The following MBTD1 variants were observed in gnomAD, a reference collection of about 807,000 sequenced individuals.
MBTD1 encodes the protein mbt domain containing 1, also known as MBT domain-containing protein 1.
A neutral mutation model predicts 87.8 loss-of-function variants in MBTD1; 24 were observed. The ratio of observed to expected loss-of-function variants is 0.27; its 90% CI spans 0.20 to 0.38. The LOEUF (loss-of-function observed/expected upper bound fraction) is 0.38. MBTD1 is among the 10% of genes least tolerant of loss of function. MBTD1 has a pLI of 1.00. For synonymous variants in MBTD1, 237 were observed against 248.6 expected (o/e 0.95, Z 0.44); for missense variants, 436 against 760.2 (o/e 0.57, Z 5.02).
intron 6 of MBTD1, among the ~76,000 whole-genome samples, chr17:51,216,943 G>C (rs1166752433): frequency 1.3e-5 from 2 of 152,180 alleles, no homozygotes; most frequent in East Asian, 3.9e-4. Flanking sequence ...GCTCATACCT[G>C]TAATCCCAGC....
intron 2 of MBTD1, among the ~76,000 whole-genome samples, chr17:51,257,064 G>A (rs1402600417): frequency 3.3e-5 from 5 of 152,114 alleles, no homozygotes; most frequent in Non-Finnish European, 7.3e-5. Flanking sequence ...CTTAAGCCAA[G>A]GTTTATTAAA....
chr17:51,197,065 T>TGGAGG (rs1248774190), intron 12 of MBTD1, among the ~76,000 whole-genome samples: 1 of 1,652 alleles, frequency 6.1e-4, no homozygotes, highest in African/African-American at 2.8e-3. Flanking sequence ...TATATATATA[T>TGGAGG]ATATATATAT....
intron 6 of MBTD1, among the ~76,000 whole-genome samples, chr17:51,215,534 AAG>A (rs1006615276): frequency 1.3e-5 from 2 of 152,190 alleles, no homozygotes; most frequent in African/African-American, 4.8e-5. Context: ...TCTGAGATGA[AAG>A]AGTTACTGTA....
intron 2 of MBTD1, among the ~76,000 whole-genome samples, chr17:51,254,564 C>G (rs1044426443): frequency 6.6e-6 from 1 of 152,108 alleles, no homozygotes; most frequent in African/African-American, 2.4e-5. Flanking sequence ...CAACAGTGAA[C>G]AAAAGGAAGT....
intron 15 of MBTD1, chr17:51,192,507 T>A (rs1052588552): frequency 4.7e-6 from 3 of 640,318 alleles, no homozygotes; most frequent in African/African-American, 3.7e-5. Flanking sequence ...ACTTTTAGTA[T>A]GTAATTTTTA....
In MBTD1 at chr17:51,178,165, C is replaced by T. The variant is rs1353220889; in HGVS notation, c.*2411G>A. The T allele has an allele frequency of 2.0e-5, 3 of 152,104 alleles. No individual in the cohort carries two copies. Among genetic ancestry groups the T allele is most frequent in the Non-Finnish European group, 4.4e-5 (3 of 68,038 alleles). The allele number at this position is 152,104 out of a possible 1,614,324, so 9.4% of individuals were successfully genotyped here. On this transcript the variant is annotated 3_prime_UTR_variant, in exon 17 of 17. Transcript: ENST00000586178. ...TTTTGAACCGTAAAAGAGAATGGGG[C>T]GATTGAGTTGTACAACTGGAGTTAT... is the stretch of plus-strand genomic sequence containing the variant.
rs2050222173 is a variant in MBTD1, at chr17:51,179,512, A to ATTTTTATT, written c.*1063_*1064insAATAAAAA. The ATTTTTATT allele has an allele frequency of 1.0e-5, 1 of 97,038 alleles. No individual in the cohort carries two copies. The highest frequency in any genetic ancestry group is 3.9e-5 in the African/African-American group (1 of 25,370). 6.0% of individuals were successfully genotyped at this position (97,038 alleles called of 1,614,324 possible). A position where few individuals can be genotyped will look rare whatever the true frequency, so the allele number is the denominator to read the frequency against. ...TATATATATATATATATATATATAT[A>ATTTTTATT]TATATATATATATATATATATATAT... On this transcript the variant is annotated 3_prime_UTR_variant, in exon 17 of 17. Transcript: ENST00000586178.
At position 51,179,500 on chromosome 17, in the gene MBTD1, A is replaced by ATATATATATATATATT; in HGVS notation, c.*1075_*1076insAATATATATATATATA. The ATATATATATATATATT allele has an allele frequency of 1.7e-5, 1 of 58,526 alleles. No homozygotes were observed. Among genetic ancestry groups the ATATATATATATATATT allele is most frequent in the South Asian group, 4.8e-4 (1 of 2,084 alleles). 3.6% of individuals were successfully genotyped at this position (58,526 alleles called of 1,614,324 possible). Reference sequence around the variant, plus strand: ...AAGACAATTTTATATATATATATATATATATATATATATATATATATATAT... The same window carrying ATATATATATATATATT: ...AAGACAATTTTATATATATATATATATATATATATATATATTTATATATATATATATATATATATAT... On this transcript the variant is annotated 3_prime_UTR_variant, in exon 17 of 17. Transcript: ENST00000586178.
chr17:51,189,686 T>C (rs548779984), intron 16 of MBTD1, among the ~76,000 whole-genome samples: 1 of 152,224 alleles, frequency 6.6e-6, no homozygotes, highest in African/African-American at 2.4e-5. Flanking sequence ...TAATTTGACA[T>C]CTTGGAAAGA....
chr17:51,212,919 G>C (rs964213823), intron 6 of MBTD1, among the ~76,000 whole-genome samples: 2 of 152,068 alleles, frequency 1.3e-5, no homozygotes, highest in South Asian at 4.1e-4. Context: ...TAGTAGAGAC[G>C]GGGTTTCACC....
At chr17:51,229,885 C>A (rs2053455869) in intron 2 of MBTD1, among the ~76,000 whole-genome samples, 1 of 152,082 alleles carries the variant, frequency 6.6e-6, no homozygotes, top group Non-Finnish European at 1.5e-5. Context: ...TGGTCTCGAT[C>A]TCCTGACCTC....
intron 11 of MBTD1, 138 bp downstream of exon 11, chr17:51,201,884 G>T (rs915994093): frequency 7.1e-6 from 5 of 708,236 alleles, no homozygotes; most frequent in African/African-American, 5.4e-5. Flanking sequence ...ATAAAGAGTT[G>T]TGACACCTAT....
At chr17:51,260,929 G>C (rs1391448981), upstream of MBTD1, 1 of 1,547,274 alleles carries the variant, frequency 6.5e-7, no homozygotes, top group Non-Finnish European at 8.7e-7. Context: ...GCCCGAGGGT[G>C]AGGGAGGCCG....
chr17:51,203,818 T>C lies in MBTD1; in HGVS notation c.712A>G (p.Ser238Gly), dbSNP rs1468387604. Residue 238 changes from serine to glycine, a missense_variant, in exon 8 of 17, where the codon AGC becomes GGC. Coordinates refer to ENST00000586178, the MANE Select transcript of MBTD1 (RefSeq NM_017643.3). ...DIHPVGWCAASGKPLVPPRTI... is the reference protein window; with the variant it reads ...DIHPVGWCAAGGKPLVPPRTI... ...CTAGGAGGAACAAGAGGTTTTCCGC[T>C]GGCTGCACACCAACCAACTGGATGG... The C allele has an allele frequency of 6.2e-7, 1 of 1,612,946 alleles. No homozygotes were observed. The highest frequency in any genetic ancestry group is 8.5e-7 in the Non-Finnish European group (1 of 1,179,738).
At chr17:51,236,634 G>A (rs1308782413) in intron 2 of MBTD1, among the ~76,000 whole-genome samples, 6 of 152,310 alleles carry the variant, frequency 3.9e-5, no homozygotes, top group African/African-American at 1.2e-4. Flanking sequence ...GTTCAATGGT[G>A]TGGCACAAGG....
chr17:51,197,809 C>T, intron 12 of MBTD1, among the ~76,000 whole-genome samples: 1 of 152,144 alleles, frequency 6.6e-6, no homozygotes. Flanking sequence ...ACCCAGCCTA[C>T]TCTTAATTTT....
chr17:51,206,890 G>T lies in MBTD1; in HGVS notation c.602C>A (p.Ala201Glu). The stretch of plus-strand genomic sequence containing the variant: ...AAACTATTATTCATGCTTTTCACCT[G>T]CTAATTTTACAATTCCAGCAATCCA... ...VFWIAGIVKL[A>E]GYNALLRYEG... is the part of the protein sequence containing the mutation. The change falls in exon 7 of 17, where the codon GCA becomes GAA. Residue 201 changes from alanine (A) to glutamate (E), a missense_variant and splice_region_variant. Physicochemically the swap from Ala to Glu is moderately radical, Grantham distance 107. Transcript: ENST00000586178. 6.3e-7 allele frequency: 1 copy of T among 1,587,894 alleles called. No individual in the cohort carries two copies. The highest frequency in any genetic ancestry group is 8.6e-7 in the Non-Finnish European group (1 of 1,156,630).
intron 2 of MBTD1, among the ~76,000 whole-genome samples, chr17:51,241,986 T>C (rs1296154973): frequency 1.3e-5 from 2 of 152,224 alleles, no homozygotes; most frequent in Non-Finnish European, 2.9e-5. Context: ...CATGCCTCTA[T>C]CATTTTCTGA....
At chr17:51,231,947 C>G (rs2053574005) in intron 2 of MBTD1, among the ~76,000 whole-genome samples, 1 of 151,622 alleles carries the variant, frequency 6.6e-6, no homozygotes, top group South Asian at 2.1e-4. Context: ...CTATGTAAAA[C>G]TTACCTTTTA....
Sources: gnomAD v4.1 joint callset for allele counts (sites outside exome capture counted in the v4.1 genomes callset) on GRCh38, gnomAD v4.1.1 for gene constraint, MANE v1.5 for transcripts, NCBI Gene and HGNC (gene_info 2026-07-23, HGNC 2026-07-21) for gene names.